The following DNAH11 variants were observed in gnomAD, a reference collection of about 807,000 sequenced individuals.
DNAH11 encodes axonemal beta dynein heavy chain 11.
Under a neutral mutation model 526.0 loss-of-function variants are expected in DNAH11, and 442 were observed. The observed-to-expected ratio is 0.84, with a 90% CI of 0.78 to 0.91. The LOEUF is 0.91. DNAH11 is among the 40% of genes least tolerant of loss of function. The pLI is 0.00. For missense variants in DNAH11, 6,989 were observed against 5,448.7 expected, an observed-to-expected ratio of 1.28 and a Z score of -8.90; for synonymous variants, 2,461 against 1,935.9, an observed-to-expected ratio of 1.27 and a Z score of -7.12.
At chr7:21,788,058 C>G (rs2127987634) in intron 60 of DNAH11, among the ~76,000 whole-genome samples, 1 of 152,244 alleles carries the variant, frequency 6.6e-6, no homozygotes, top group East Asian at 1.9e-4. Context: ...GTGATCTAAC[C>G]TAAAATTTGT....
chr7:21,789,138 G>T, intron 60 of DNAH11, 103 bp from the exon 61 acceptor site: 1 of 845,938 alleles, frequency 1.2e-6, no homozygotes, highest in Non-Finnish European at 1.9e-6. Context: ...AAAAAGAGAA[G>T]TTGCTAGATG....
At chr7:21,642,600 A>G (rs545536990) in intron 28 of DNAH11, among the ~76,000 whole-genome samples, 1 of 152,214 alleles carries the variant, frequency 6.6e-6, no homozygotes, top group South Asian at 2.1e-4. Flanking sequence ...TAACATGGCA[A>G]CTGCAGCTTG....
intron 14 of DNAH11, among the ~76,000 whole-genome samples, chr7:21,594,466 A>G (rs937675267): frequency 1.3e-5 from 2 of 152,172 alleles, no homozygotes; most frequent in African/African-American, 4.8e-5. Flanking sequence ...AAGCAGTGAC[A>G]TAGTAAGTCG....
intron 33 of DNAH11, 30 bp from the exon 34 acceptor site, chr7:21,687,352 A>C: frequency 6.3e-7 from 1 of 1,589,352 alleles, no homozygotes; most frequent in South Asian, 1.1e-5. Context: ...CCCTTCTGTT[A>C]AATTCTGAGT....
intron 4 of DNAH11, among the ~76,000 whole-genome samples, chr7:21,560,486 A>G (rs561705774): frequency 3.3e-5 from 5 of 152,326 alleles, no homozygotes; most frequent in African/African-American, 9.6e-5. Flanking sequence ...TACAGCCTTC[A>G]GTCTGTGGCC....
At chr7:21,561,191 C>T (rs1367074494) in intron 5 of DNAH11, 21 bp downstream of exon 5, 1 of 1,531,140 alleles carries the variant, frequency 6.5e-7, no homozygotes, top group Admixed American at 1.9e-5. Context: ...TGTTCCTCAG[C>T]CTGGCATCAA....
chr7:21,689,446 G>A (rs4719672), intron 34 of DNAH11, among the ~76,000 whole-genome samples: 1 of 151,992 alleles, frequency 6.6e-6, no homozygotes, highest in Non-Finnish European at 1.5e-5. Context: ...TAAATTCTCT[G>A]TACACATGAA....
intron 2 of DNAH11, among the ~76,000 whole-genome samples, chr7:21,551,606 T>A (rs574132201): frequency 2.6e-5 from 4 of 152,296 alleles, no homozygotes; most frequent in Admixed American, 2.6e-4. Context: ...TATTAGGTAA[T>A]CTACCTTTCT....
chr7:21,664,078 A>G (rs1032721822), intron 30 of DNAH11, among the ~76,000 whole-genome samples: 2 of 150,220 alleles, frequency 1.3e-5, no homozygotes, highest in East Asian at 2.0e-4. Context: ...AAGCACTTCA[A>G]TTTACATACC....
chr7:21,662,359 T>C (rs1225461725), intron 30 of DNAH11, among the ~76,000 whole-genome samples: 1 of 152,176 alleles, frequency 6.6e-6, no homozygotes, highest in Admixed American at 6.5e-5. Flanking sequence ...TTATTTTCTT[T>C]ATAACATGTC....
chr7:21,861,782 C>T, intron 68 of DNAH11, 71 bp from the exon 69 acceptor site: 5 of 1,573,846 alleles, frequency 3.2e-6, no homozygotes, highest in Non-Finnish European at 4.3e-6. Flanking sequence ...AACTGTTGCC[C>T]TGTGTATCGG....
At position 21,740,477 on chromosome 7, in the gene DNAH11, A is replaced by G. The variant is rs115252391; in HGVS notation, c.7914+804A>G. On this transcript the variant is annotated intron_variant, in intron 48 of 81. Coordinates refer to ENST00000409508, the MANE Select transcript of DNAH11 (RefSeq NM_001277115.2). ...CCTCATATACGTGGAATTATCCAGT[A>G]TTTGTCTTTTTGTGGCTGGCTTATT... Among the ~76,000 whole-genome samples, 844 of 152,182 alleles carry G rather than the reference A, an allele frequency of 5.5e-3. 12 individuals are homozygous for G. Among genetic ancestry groups the G allele is most frequent in the African/African-American group, 0.019 (796 of 41,526 alleles).
chr7:21,718,063 C>A, intron 43 of DNAH11, 138 bp downstream of exon 43: 2 of 1,192,516 alleles, frequency 1.7e-6, no homozygotes, highest in Non-Finnish European at 1.1e-6. Context: ...CCCTCTTGCC[C>A]CCGCCCCCGT....
intron 45 of DNAH11, among the ~76,000 whole-genome samples, chr7:21,733,976 T>C (rs958299517): frequency 3.8e-4 from 58 of 152,264 alleles, no homozygotes; most frequent in Non-Finnish European, 8.2e-4. Context: ...ACTTTGAATT[T>C]TAAAACTGGG....
intron 74 of DNAH11, among the ~76,000 whole-genome samples, chr7:21,874,459 C>T (rs1046547862): frequency 6.6e-5 from 10 of 152,002 alleles, no homozygotes; most frequent in Admixed American, 2.0e-4. Flanking sequence ...CCTCAGCCTC[C>T]CAGGTAGCTG....
rs538531484 is a variant in DNAH11, at chr7:21,868,882, C to A, written c.11858C>A (p.Thr3953Lys). The A allele has an allele frequency of 1.9e-6, 3 of 1,613,988 alleles. No individual in the cohort carries two copies. Among genetic ancestry groups the A allele is most frequent in the Non-Finnish European group, 2.5e-6 (3 of 1,179,874 alleles). Reference protein sequence around the residue: ...LEILGKRLGFTIDSGKFHNVS... With the variant: ...LEILGKRLGFKIDSGKFHNVS... ...CCCACAGGCAAAAGACTTGGCTTTACAATTGACTCTGGAAAATTCCACAAT... is the reference window on the plus strand; with the variant it reads ...CCCACAGGCAAAAGACTTGGCTTTAAAATTGACTCTGGAAAATTCCACAAT... The change falls in exon 73 of 82, where the codon ACA (threonine) becomes AAA (lysine). Residue 3953 changes from threonine to lysine, a missense_variant. Coordinates refer to ENST00000409508, the MANE Select transcript of DNAH11 (RefSeq NM_001277115.2).
chr7:21,636,051 G>T lies in DNAH11; in HGVS notation c.4681G>T (p.Val1561Leu). 1.2e-5 allele frequency: 19 copies of T among 1,613,518 alleles called. No homozygotes were observed. Among genetic ancestry groups the T allele is most frequent in the Non-Finnish European group, 1.6e-5 (19 of 1,179,666 alleles). ...VCSEDIRIQL[V>L]KDARRFDGVD... ...TTCAGAAGATATTCGAATCCAGCTTGTGAAAGATGCTAGAAGATTTGATGG... is the reference window on the plus strand; with the variant it reads ...TTCAGAAGATATTCGAATCCAGCTTTTGAAAGATGCTAGAAGATTTGATGG... The change falls in exon 26 of 82, where the codon GTG becomes TTG. Residue 1561 changes from valine (V) to leucine (L), a missense_variant. Physicochemically the swap from Val to Leu is conservative, Grantham distance 32. Transcript: ENST00000409508.
intron 79 of DNAH11, among the ~76,000 whole-genome samples, chr7:21,895,481 A>G (rs1784477871): frequency 6.6e-6 from 1 of 152,182 alleles, no homozygotes; most frequent in South Asian, 2.1e-4. Flanking sequence ...ATAACTGCAG[A>G]GATGTGTCAC....
chr7:21,560,182 ATTAC>A (rs1057402973), intron 4 of DNAH11, among the ~76,000 whole-genome samples: 11 of 152,188 alleles, frequency 7.2e-5, no homozygotes, highest in Non-Finnish European at 1.6e-4. Flanking sequence ...TGCCATACAA[ATTAC>A]TTACTTAAGG....
Sources: allele counts gnomAD v4.1 joint callset (sites outside exome capture counted in the v4.1 genomes callset), GRCh38; gene constraint gnomAD v4.1.1; transcripts MANE v1.5; gene names NCBI Gene and HGNC (gene_info 2026-07-23, HGNC 2026-07-21).